The following SLC49A4 variants were observed in gnomAD, a reference collection of about 807,000 sequenced individuals.
SLC49A4 encodes disrupted in renal cancer protein 2.
SLC49A4 carries 36 observed loss-of-function variants against 50.6 expected under a neutral mutation model. The observed-to-expected ratio is 0.71, with a 90% confidence interval of 0.55 to 0.94. The LOEUF (loss-of-function observed/expected upper bound fraction) is 0.94. Among genes scored for constraint, SLC49A4 ranks in the 40% least tolerant of loss-of-function variants. The probability of loss-of-function intolerance (pLI) is 0.00; values close to 1 mark genes in which losing one functional copy is unlikely to be tolerated. For synonymous variants in SLC49A4, 248 were observed against 241.2 expected (o/e 1.03, Z -0.26); for missense variants, 503 against 605.7 (o/e 0.83, Z 1.78).
chr3:122,842,869 C>G (rs1936792318), intron 4 of SLC49A4, among the ~76,000 whole-genome samples: 1 of 152,302 alleles, frequency 6.6e-6, no homozygotes, highest in African/African-American at 2.4e-5. Context: ...CCTTTGGGCT[C>G]TCCAGGGGAG....
intron 5 of SLC49A4, among the ~76,000 whole-genome samples, chr3:122,850,506 A>G (rs1434623107): frequency 6.8e-6 from 1 of 147,184 alleles, no homozygotes; most frequent in Non-Finnish European, 1.5e-5. Flanking sequence ...ATCCATTTTG[A>G]GTTGATTTTT....
intron 5 of SLC49A4, among the ~76,000 whole-genome samples, chr3:122,855,219 A>G (rs917810703): frequency 6.6e-6 from 1 of 152,216 alleles, no homozygotes; most frequent in African/African-American, 2.4e-5. Context: ...CACAAGGAAA[A>G]CCAGTAACTA....
chr3:122,804,091 G>T (rs1936174756), intron 1 of SLC49A4, among the ~76,000 whole-genome samples: 1 of 152,192 alleles, frequency 6.6e-6, no homozygotes, highest in Non-Finnish European at 1.5e-5. Context: ...TGGTTCTGCG[G>T]GTTTTACAGG....
chr3:122,804,338 A>G (rs1032095792), intron 1 of SLC49A4, among the ~76,000 whole-genome samples: 6 of 152,208 alleles, frequency 3.9e-5, no homozygotes, highest in Non-Finnish European at 7.3e-5. Context: ...ATCTGTCCCT[A>G]TGATCCAAAC....
At position 122,845,747 on chromosome 3, in the gene SLC49A4, T is replaced by C. The variant is rs1936840014; in HGVS notation, c.834-16T>C. On this transcript the variant is annotated splice_polypyrimidine_tract_variant and intron_variant, in intron 4 of 8. Coordinates refer to ENST00000261038, the MANE Select transcript of SLC49A4 (RefSeq NM_032839.3). The stretch of plus-strand genomic sequence containing the variant: ...TTTAATTTGTTACAATGTTTCCTTT[T>C]ATTTCTCATTCACAGCAATTTTCGA... 1 of 1,482,138 alleles carries C rather than the reference T, an allele frequency of 6.7e-7. No individual in the cohort carries two copies. The highest frequency in any genetic ancestry group is 9.2e-7 in the Non-Finnish European group (1 of 1,084,042). The allele number at this position is 1,482,138 out of a possible 1,614,324, so 91.8% of individuals were successfully genotyped here. A position where few individuals can be genotyped will look rare whatever the true frequency, so the allele number is the denominator to read the frequency against.
chr3:122,838,215 C>T (rs1404728566), intron 4 of SLC49A4, among the ~76,000 whole-genome samples: 3 of 152,110 alleles, frequency 2.0e-5, no homozygotes, highest in Non-Finnish European at 2.9e-5. Context: ...TGGGTATATA[C>T]CCAAAGGATT....
At chr3:122,809,107 G>A (rs1325295100) in intron 2 of SLC49A4, among the ~76,000 whole-genome samples, 1 of 152,164 alleles carries the variant, frequency 6.6e-6, no homozygotes, top group South Asian at 2.1e-4. Context: ...TCAGGGACAA[G>A]ATGTTGACTT....
chr3:122,846,503 ACT>A (rs1162812249), intron 5 of SLC49A4, among the ~76,000 whole-genome samples: 1 of 152,048 alleles, frequency 6.6e-6, no homozygotes, highest in African/African-American at 2.4e-5. Flanking sequence ...CTGTATTAAC[ACT>A]CTCTTACATG....
Position 122,817,267 on chromosome 3 carries a change from C to T in SLC49A4, c.438-9533C>T, listed in dbSNP as rs368400791. Among the ~76,000 whole-genome samples the T allele has an allele frequency of 8.5e-5, 13 of 152,276 alleles. 2 individuals carry two copies. Among genetic ancestry groups the T allele is most frequent in the East Asian group, 1.9e-4 (1 of 5,180 alleles). ...GTTTTCTTGCATCTTCCAGCAACTGCAGTTGCTGCCTTTGAAAACAGAGGA... is the reference window on the plus strand; with the variant it reads ...GTTTTCTTGCATCTTCCAGCAACTGTAGTTGCTGCCTTTGAAAACAGAGGA... On this transcript the variant is annotated intron_variant, in intron 2 of 8. Coordinates refer to ENST00000261038, the MANE Select transcript of SLC49A4 (RefSeq NM_032839.3).
At chr3:122,868,344 G>T (rs1374928892) in intron 7 of SLC49A4, among the ~76,000 whole-genome samples, 1 of 152,128 alleles carries the variant, frequency 6.6e-6, no homozygotes, top group Non-Finnish European at 1.5e-5. Context: ...AAAAAAAACT[G>T]CATCAGCACT....
chr3:122,810,637 C>T (rs564374475), intron 2 of SLC49A4, among the ~76,000 whole-genome samples: 6 of 152,290 alleles, frequency 3.9e-5, no homozygotes, highest in Admixed American at 1.3e-4. Context: ...AGGTTTATTA[C>T]GTAGGTAAAC....
intron 1 of SLC49A4, among the ~76,000 whole-genome samples, chr3:122,806,298 A>G (rs1936216447): frequency 6.6e-6 from 1 of 152,210 alleles, no homozygotes; most frequent in African/African-American, 2.4e-5. Context: ...TCCTTTTGAA[A>G]AATTAGAGCT....
At chr3:122,862,024 G>A (rs372047706) in intron 7 of SLC49A4, among the ~76,000 whole-genome samples, 60 of 152,358 alleles carry the variant, frequency 3.9e-4, no homozygotes, top group African/African-American at 1.3e-3. Flanking sequence ...ACAAAAATTA[G>A]TGTGGAACAC....
intron 2 of SLC49A4, among the ~76,000 whole-genome samples, chr3:122,810,775 C>A (rs1029034154): frequency 1.3e-5 from 2 of 152,146 alleles, no homozygotes; most frequent in African/African-American, 4.8e-5. Context: ...TAGAAATATA[C>A]TCCATTGTGA....
chr3:122,854,568 G>C (rs186049562), intron 5 of SLC49A4, among the ~76,000 whole-genome samples: 2 of 152,328 alleles, frequency 1.3e-5, no homozygotes, highest in Admixed American at 6.5e-5. Flanking sequence ...GCTACGTCCA[G>C]ATTGCAGCTG....
At chr3:122,809,854 C>G in intron 2 of SLC49A4, among the ~76,000 whole-genome samples, 1 of 152,290 alleles carries the variant, frequency 6.6e-6, no homozygotes, top group African/African-American at 2.4e-5. Context: ...ATAAAGAATA[C>G]AGGAGTATTA....
intron 2 of SLC49A4, among the ~76,000 whole-genome samples, chr3:122,817,709 T>C (rs1936391165): frequency 6.6e-6 from 1 of 151,160 alleles, no homozygotes; most frequent in Admixed American, 6.6e-5. Context: ...GCTTCACAAG[T>C]ACCTGGAACT....
intron 8 of SLC49A4, among the ~76,000 whole-genome samples, chr3:122,874,316 A>G (rs1033638764): frequency 6.6e-6 from 1 of 152,222 alleles, no homozygotes; most frequent in Non-Finnish European, 1.5e-5. Context: ...AGTGAATTAA[A>G]TGGAACCGAC....
At chr3:122,866,429 C>T (rs1226421103) in intron 7 of SLC49A4, among the ~76,000 whole-genome samples, 1 of 152,106 alleles carries the variant, frequency 6.6e-6, no homozygotes, top group African/African-American at 2.4e-5. Flanking sequence ...CTTTAGGCAT[C>T]ATCTAATATA....
Sources: gnomAD v4.1 joint callset for allele counts (sites outside exome capture counted in the v4.1 genomes callset) on GRCh38, gnomAD v4.1.1 for gene constraint, MANE v1.5 for transcripts, NCBI Gene and HGNC (gene_info 2026-07-23, HGNC 2026-07-21) for gene names.